RPS6KB2: variants seen among roughly 807,000 people sequenced by gnomAD.
RPS6KB2 encodes the protein ribosomal protein S6 kinase beta-2.
In RPS6KB2, 51 loss-of-function variants were observed where a neutral mutation model predicts 58.2. That is an observed-to-expected ratio of 0.88 (90% confidence interval 0.70 to 1.11). The LOEUF is 1.11. RPS6KB2 is among the 50% of genes least tolerant of loss of function. RPS6KB2 has a pLI of 0.00. For synonymous variants in RPS6KB2, 293 were observed against 258.6 expected (o/e 1.13, Z -1.28); for missense variants, 671 against 655.8 (o/e 1.02, Z -0.25).
At position 67,432,853 on chromosome 11, in the gene RPS6KB2, C is replaced by G. The variant is rs372020165; in HGVS notation, c.616+16C>G. 3 of 1,611,848 alleles carry G rather than the reference C, an allele frequency of 1.9e-6. No homozygotes were observed. Among genetic ancestry groups the G allele is most frequent in the Middle Eastern group, 1.7e-4 (1 of 6,060 alleles). On this transcript the variant is annotated intron_variant, in intron 7 of 14. Coordinates refer to ENST00000312629, the MANE Select transcript of RPS6KB2 (RefSeq NM_003952.3). The stretch of plus-strand genomic sequence containing the variant: ...AGCAGCCAGGGTGCGCATGTGTGTG[C>G]GGGCAGCTGCAGGCGGGGTCTGCAA...
chr11:67,432,568 A>G, intron 5 of RPS6KB2, 32 bp from the exon 6 acceptor site: 1 of 1,613,546 alleles, frequency 6.2e-7, no homozygotes, highest in Non-Finnish European at 8.5e-7. Context: ...GCTTGGACCC[A>G]GCACGTGGCT....
At chr11:67,429,640 C>T in intron 4 of RPS6KB2, 45 bp downstream of exon 4, 1 of 1,456,666 alleles carries the variant, frequency 6.9e-7, no homozygotes, top group Non-Finnish European at 9.5e-7. Flanking sequence ...GCTGCCATTC[C>T]CAACATGCTG....
chr11:67,432,997 A>G lies in RPS6KB2; in HGVS notation c.662A>G (p.His221Arg), dbSNP rs752406488. The G allele has an allele frequency of 1.9e-6, 3 of 1,613,428 alleles. No individual in the cohort carries two copies. The highest frequency in any genetic ancestry group is 4.5e-5 in the East Asian group (2 of 44,882). The change falls in exon 8 of 15, where the codon CAT (histidine) becomes CGT (arginine). Residue 221 changes from histidine (H) to arginine (R), a missense_variant. His to Arg is a conservative substitution (Grantham distance 29). Coordinates refer to ENST00000312629, the MANE Select transcript of RPS6KB2 (RefSeq NM_003952.3). Reference protein sequence around the residue: ...TDFGLCKESIHEGAVTHTFCG... With the variant: ...TDFGLCKESIREGAVTHTFCG... ...TTTGGACTCTGCAAGGAGTCTATCC[A>G]TGAGGGCGCCGTCACTCACACCTTC...
chr11:67,429,720 A>G (rs1590970608), intron 4 of RPS6KB2, 125 bp downstream of exon 4: 1 of 771,112 alleles, frequency 1.3e-6, no homozygotes, highest in East Asian at 2.7e-5. Flanking sequence ...TTGCTGGTTT[A>G]TTGTCTGTTG....
In RPS6KB2 at chr11:67,431,271, C is replaced by G. The variant is rs1932914565; in HGVS notation, c.310-97C>G. 8 of 1,202,020 alleles carry G rather than the reference C, an allele frequency of 6.7e-6. No homozygotes were observed. The South Asian group carries it at 1.1e-4, about 17-fold the overall frequency. The allele number at this position is 1,202,020 out of a possible 1,614,324, so 74.5% of individuals were successfully genotyped here. ...TCTCAAATTCCTGACCTCAGGTAAT[C>G]CGCCTGCCTTGGCCTCCTAGAGTGC... On this transcript the variant is annotated intron_variant, in intron 4 of 14. Coordinates refer to ENST00000312629, the MANE Select transcript of RPS6KB2 (RefSeq NM_003952.3).
At chr11:67,431,637 C>T (rs1479416255) in intron 5 of RPS6KB2, 122 bp downstream of exon 5, 3 of 818,546 alleles carry the variant, frequency 3.7e-6, no homozygotes, top group African/African-American at 3.4e-5. Context: ...GGGGCCCCCA[C>T]TCTGTCCTAC....
At chr11:67,431,738 G>A (rs1206901503) in intron 5 of RPS6KB2, 4 of 524,454 alleles carry the variant, frequency 7.6e-6, no homozygotes, top group South Asian at 2.2e-5. Context: ...ACGTGTGTTG[G>A]GGGTGGATGG....
chr11:67,432,250 C>G (rs1020370067), intron 5 of RPS6KB2: 49 of 537,700 alleles, frequency 9.1e-5, no homozygotes, highest in Non-Finnish European at 1.7e-4. Flanking sequence ...GGGATTCACT[C>G]TGTCTTCCCT....
intron 5 of RPS6KB2, chr11:67,432,262 T>A: frequency 1.8e-6 from 1 of 562,652 alleles, no homozygotes; most frequent in Non-Finnish European, 3.4e-6. Flanking sequence ...GTCTTCCCTG[T>A]CTTCTCTGCG....
At position 67,432,788 on chromosome 11, in the gene RPS6KB2, C is replaced by T; in HGVS notation, c.567C>T (p.Gly189=). 1 of 1,614,118 alleles carries T rather than the reference C, an allele frequency of 6.2e-7. No individual in the cohort carries two copies. Among genetic ancestry groups the T allele is most frequent in the African/African-American group, 1.3e-5 (1 of 75,054 alleles). The change falls in exon 7 of 15, where the codon GGC becomes GGT. Residue 189 remains glycine (G), a synonymous_variant. Transcript: ENST00000312629. ...CCCTGGGCCATCTCCACTCCCAGGG[C>T]ATCATCTACCGGGACCTCAAGCCCG... is the stretch of plus-strand genomic sequence containing the variant. ...TLALGHLHSQ[G]IIYRDLKPEN...
chr11:67,431,718 T>C (rs990793552), intron 5 of RPS6KB2: 3 of 562,648 alleles, frequency 5.3e-6, no homozygotes, highest in Non-Finnish European at 9.5e-6. Context: ...CAGCACCTAC[T>C]GTGTCCCTCA....
At position 67,435,045 on chromosome 11, in the gene RPS6KB2, C is replaced by T. The variant is rs1401335302; in HGVS notation, c.1325C>T (p.Pro442Leu). The T allele has an allele frequency of 1.2e-6, 2 of 1,613,164 alleles. No individual in the cohort carries two copies. The highest frequency in any genetic ancestry group is 8.5e-7 in the Non-Finnish European group (1 of 1,179,696). Residue 442 changes from proline (P) to leucine (L), a missense_variant, in exon 15 of 15, where the codon CCC becomes CTC. Pro to Leu is a moderately conservative substitution (Grantham distance 98). Coordinates refer to ENST00000312629, the MANE Select transcript of RPS6KB2 (RefSeq NM_003952.3). ...CGGCCCAGCCCCAGCCTGCCGGAGC[C>T]CACGGAGCTACCTCTACCTCCACTC... is the stretch of plus-strand genomic sequence containing the variant. ...GFRPSPSLPE[P>L]TELPLPPLLP...
In RPS6KB2 at chr11:67,429,133, T is replaced by C; in HGVS notation, c.133T>C (p.Tyr45His). ...RAAGLEPVGH[Y>H]EEVELTETSV... ...TTGTGTCCGTAGGCCTGTGGGACAC[T>C]ATGAAGAGGTGGAGCTGACTGAGAC... Residue 45 changes from tyrosine to histidine, a missense_variant, in exon 3 of 15, where the codon TAT (tyrosine) becomes CAT (histidine). Transcript: ENST00000312629. 1 of 1,613,892 alleles carries C rather than the reference T, an allele frequency of 6.2e-7. No individual in the cohort carries two copies. The highest frequency in any genetic ancestry group is 8.5e-7 in the Non-Finnish European group (1 of 1,180,002).
In RPS6KB2 at chr11:67,434,700, G is replaced by A. The variant is rs1327851010; in HGVS notation, c.1268+6G>A. On this transcript the variant is annotated splice_donor_region_variant and intron_variant, in intron 14 of 14. Coordinates refer to ENST00000312629, the MANE Select transcript of RPS6KB2 (RefSeq NM_003952.3). ...AGCCCCCGGGCCCCCGTCAGGTACT[G>A]AGGGACGTGGGGGTGTGTGGCTGGG... The A allele has an allele frequency of 6.3e-7, 1 of 1,592,648 alleles. No individual in the cohort carries two copies. Among genetic ancestry groups the A allele is most frequent in the Non-Finnish European group, 8.6e-7 (1 of 1,168,326 alleles).
Position 67,433,214 on chromosome 11 carries a change from T to TCTGAG in RPS6KB2, c.797_798insTGAGC (p.Pro267GlufsTer40), listed in dbSNP as rs1793206566. On this transcript the variant is annotated frameshift_variant and splice_region_variant, in exon 9 of 15. Coordinates refer to ENST00000312629, the MANE Select transcript of RPS6KB2 (RefSeq NM_003952.3). LOFTEE classifies it high-confidence loss of function. ...CCTGATGTACGACATGCTCACTGGA[T>TCTGAG]CGGCAAGTCCAGCCCCCGGGGAGGA... 1 of 1,606,532 alleles carries TCTGAG rather than the reference T, an allele frequency of 6.2e-7. No individual in the cohort carries two copies. Among genetic ancestry groups the TCTGAG allele is most frequent in the Non-Finnish European group, 8.5e-7 (1 of 1,179,230 alleles).
At position 67,433,226 on chromosome 11, in the gene RPS6KB2, G is replaced by T. The variant is rs768278648; in HGVS notation, c.798+10G>T. On this transcript the variant is annotated intron_variant, in intron 9 of 14. Transcript: ENST00000312629. ...CATGCTCACTGGATCGGCAAGTCCA[G>T]CCCCCGGGGAGGAGGAGGGGCAGGG... 6.2e-7 allele frequency: 1 copy of T among 1,606,956 alleles called. No individual in the cohort carries two copies. The highest frequency in any genetic ancestry group is 1.7e-5 in the Admixed American group (1 of 59,734).
In RPS6KB2 at chr11:67,433,417, C is replaced by T; in HGVS notation, c.876C>T (p.Leu292=). ...IRGKLALPPY[L]TPDARDLVKK... Reference sequence around the variant, plus strand: ...GCAAGCTGGCACTGCCCCCCTACCTCACCCCAGATGCCCGGGACCTTGTCA... The same window carrying T: ...GCAAGCTGGCACTGCCCCCCTACCTTACCCCAGATGCCCGGGACCTTGTCA... The change falls in exon 10 of 15, where the codon CTC becomes CTT. Residue 292 remains leucine, a synonymous_variant. Transcript: ENST00000312629. 5 of 1,613,818 alleles carry T rather than the reference C, an allele frequency of 3.1e-6. No homozygotes were observed. The highest frequency in any genetic ancestry group is 4.2e-6 in the Non-Finnish European group (5 of 1,179,814).
rs761423380 is a variant in RPS6KB2, at chr11:67,431,439, G to A, written c.381G>A (p.Lys127=). ...AGCGGAACATTCTAGAGTCAGTGAA[G>A]CACCCCTTTATTGTGGAACTGGCCT... ...RAERNILESV[K]HPFIVELAYA... Residue 127 remains lysine, a synonymous_variant, in exon 5 of 15, where the codon AAG becomes AAA. Coordinates refer to ENST00000312629, the MANE Select transcript of RPS6KB2 (RefSeq NM_003952.3). 2 of 1,614,130 alleles carry A rather than the reference G, an allele frequency of 1.2e-6. No individual in the cohort carries two copies. Among genetic ancestry groups the A allele is most frequent in the Non-Finnish European group, 8.5e-7 (1 of 1,180,004 alleles).
Position 67,433,383 on chromosome 11 carries a change from T to C in RPS6KB2, c.842T>C (p.Ile281Thr). The C allele has an allele frequency of 2.5e-6, 4 of 1,613,824 alleles. No individual in the cohort carries two copies. The highest frequency in any genetic ancestry group is 2.5e-6 in the Non-Finnish European group (3 of 1,179,948). ...AENRKKTMDK[I>T]IRGKLALPPY... is the part of the protein sequence containing the mutation. ...AACCGGAAGAAAACCATGGATAAGA[T>C]CATCAGGGGCAAGCTGGCACTGCCC... Residue 281 changes from isoleucine (I) to threonine (T), a missense_variant, in exon 10 of 15, where the codon ATC becomes ACC. Coordinates refer to ENST00000312629, the MANE Select transcript of RPS6KB2 (RefSeq NM_003952.3).
Sources: allele counts gnomAD v4.1 joint callset, GRCh38; gene constraint gnomAD v4.1.1; transcripts MANE v1.5; gene names NCBI Gene and HGNC (gene_info 2026-07-23, HGNC 2026-07-21).